Variants in STXBP5L observed in about 807,000 individuals in gnomAD.
The protein encoded by STXBP5L is syntaxin binding protein 5L, also known as syntaxin-binding protein 5-like.
In STXBP5L, 65 loss-of-function variants were observed where a neutral mutation model predicts 144.5. The ratio of observed to expected loss-of-function variants is 0.45; its 90% CI spans 0.37 to 0.55. The LOEUF (loss-of-function observed/expected upper bound fraction) is 0.55. Ranked by LOEUF, STXBP5L falls within the 20% of genes least tolerant of loss-of-function variation. The pLI is 0.00. For synonymous variants in STXBP5L, 505 were observed against 469.6 expected (o/e 1.08, Z -0.97); for missense variants, 1,298 against 1,405.5 (o/e 0.92, Z 1.22).
chr3:121,345,271 G>A (rs564255611), intron 20 of STXBP5L, among the ~76,000 whole-genome samples: 1 of 151,990 alleles, frequency 6.6e-6, no homozygotes, highest in South Asian at 2.1e-4. Context: ...TTGGTTTTTT[G>A]TCCTTGTGAT....
chr3:121,209,783 T>A (rs549396680), intron 10 of STXBP5L, among the ~76,000 whole-genome samples: 1 of 152,350 alleles, frequency 6.6e-6, no homozygotes, highest in South Asian at 2.1e-4. Context: ...CATGGCTGCA[T>A]AGTATTCCAT....
Position 121,332,194 on chromosome 3 carries a change from G to A in STXBP5L, c.2176+13654G>A, listed in dbSNP as rs980978649. On this transcript the variant is annotated intron_variant, in intron 20 of 26. Transcript: ENST00000471454. ...TAATTTTGGCAATATGACAAAACAAGATACTGTAGTACCCCCAAAAGATCA... is the reference window on the plus strand; with the variant it reads ...TAATTTTGGCAATATGACAAAACAAAATACTGTAGTACCCCCAAAAGATCA... Among the ~76,000 whole-genome samples the A allele has an allele frequency of 1.4e-4, 21 of 151,676 alleles. No homozygotes were observed. The South Asian group carries it at 4.2e-3, about 30-fold the overall frequency.
intron 19 of STXBP5L, 69 bp downstream of exon 19, chr3:121,280,025 G>T: frequency 6.5e-7 from 1 of 1,536,504 alleles, no homozygotes; most frequent in Non-Finnish European, 8.8e-7. Flanking sequence ...TAGATTTCTT[G>T]TCTTTCTTCT....
chr3:121,168,279 CCTT>C (rs560938425), intron 9 of STXBP5L, among the ~76,000 whole-genome samples: 56 of 152,190 alleles, frequency 3.7e-4, no homozygotes, highest in African/African-American at 1.3e-3. Context: ...CTCTTCTTCT[CCTT>C]CTCCACATGA....
chr3:121,339,736 C>G (rs1247571477), intron 20 of STXBP5L, among the ~76,000 whole-genome samples: 1 of 151,414 alleles, frequency 6.6e-6, no homozygotes, highest in Non-Finnish European at 1.5e-5. Context: ...TCCATGTACA[C>G]AAATCAGTAG....
chr3:121,081,413 G>T (rs2042242659), intron 5 of STXBP5L, among the ~76,000 whole-genome samples: 1 of 152,020 alleles, frequency 6.6e-6, no homozygotes, highest in Non-Finnish European at 1.5e-5. Flanking sequence ...AATGTTTGTA[G>T]TTTATTTTAG....
chr3:121,379,174 T>C (rs1041234694), intron 21 of STXBP5L, among the ~76,000 whole-genome samples: 2 of 152,126 alleles, frequency 1.3e-5, no homozygotes, highest in Non-Finnish European at 2.9e-5. Flanking sequence ...CCCATAATAA[T>C]TAAGAGTTTA....
intron 20 of STXBP5L, among the ~76,000 whole-genome samples, chr3:121,344,311 G>A (rs1426721660): frequency 6.6e-6 from 1 of 152,074 alleles, no homozygotes; most frequent in African/African-American, 2.4e-5. Context: ...AGAAAACCTA[G>A]GCATTACCAT....
At chr3:120,988,457 A>T (rs970756128) in intron 3 of STXBP5L, among the ~76,000 whole-genome samples, 1 of 152,000 alleles carries the variant, frequency 6.6e-6, no homozygotes, top group Non-Finnish European at 1.5e-5. Flanking sequence ...TGTGTTAAGA[A>T]AAAACACTCT....
intron 2 of STXBP5L, among the ~76,000 whole-genome samples, chr3:120,932,582 T>A: frequency 1.4e-5 from 1 of 69,264 alleles, no homozygotes; most frequent in African/African-American, 4.9e-5. Context: ...ATTATAGAAA[T>A]AAAATTAACA....
At chr3:120,971,763 T>A (rs1461963283) in intron 3 of STXBP5L, among the ~76,000 whole-genome samples, 1 of 131,766 alleles carries the variant, frequency 7.6e-6, no homozygotes, top group Non-Finnish European at 1.6e-5. Flanking sequence ...ATTTTATATA[T>A]GTGTATATAT....
intron 23 of STXBP5L, among the ~76,000 whole-genome samples, chr3:121,408,202 A>T (rs550689942): frequency 6.6e-6 from 1 of 152,126 alleles, no homozygotes; most frequent in Non-Finnish European, 1.5e-5. Flanking sequence ...ATTGGTCAAG[A>T]GATTTCATTC....
intron 5 of STXBP5L, among the ~76,000 whole-genome samples, chr3:121,112,437 C>T (rs1174366202): frequency 3.3e-5 from 5 of 152,300 alleles, no homozygotes; most frequent in African/African-American, 1.2e-4. Flanking sequence ...TTGCTCCACT[C>T]TGCTTTTGCT....
At chr3:120,970,227 T>C (rs773082906) in intron 3 of STXBP5L, among the ~76,000 whole-genome samples, 6 of 152,152 alleles carry the variant, frequency 3.9e-5, no homozygotes, top group Admixed American at 3.3e-4. Context: ...GGCTTACTTA[T>C]TCAAATTACA....
chr3:121,417,786 C>T (rs545238740), intron 25 of STXBP5L, among the ~76,000 whole-genome samples: 7 of 152,284 alleles, frequency 4.6e-5, no homozygotes, highest in South Asian at 2.1e-4. Context: ...ACATATGTAA[C>T]TTATATGGGT....
intron 20 of STXBP5L, among the ~76,000 whole-genome samples, chr3:121,330,868 T>G (rs1367460254): frequency 6.6e-6 from 1 of 152,182 alleles, no homozygotes; most frequent in Non-Finnish European, 1.5e-5. Context: ...GCCAACACAG[T>G]AAGCCTATTT....
chr3:120,916,905 T>C (rs1480568521), intron 2 of STXBP5L, among the ~76,000 whole-genome samples: 1 of 152,200 alleles, frequency 6.6e-6, no homozygotes, highest in Non-Finnish European at 1.5e-5. Context: ...TAAAAACTTG[T>C]CTATAAATCT....
At chr3:120,995,153 CT>C (rs1443112547) in intron 3 of STXBP5L, among the ~76,000 whole-genome samples, 6 of 152,040 alleles carry the variant, frequency 3.9e-5, no homozygotes, top group African/African-American at 1.4e-4. Context: ...TTTTTGTTTT[CT>C]TTTCCTATTT....
At chr3:120,996,792 ACTTTT>A (rs1177280382) in intron 3 of STXBP5L, among the ~76,000 whole-genome samples, 1 of 152,074 alleles carries the variant, frequency 6.6e-6, no homozygotes, top group African/African-American at 2.4e-5. Flanking sequence ...AGAAATTCCC[ACTTTT>A]CTTGCTTTCC....
Sources: gnomAD v4.1 joint callset for allele counts (sites outside exome capture counted in the v4.1 genomes callset) on GRCh38, gnomAD v4.1.1 for gene constraint, MANE v1.5 for transcripts, NCBI Gene and HGNC (gene_info 2026-07-23, HGNC 2026-07-21) for gene names.